NCF4: variants seen among roughly 807,000 people sequenced by gnomAD.
The protein encoded by NCF4 is neutrophil cytosol factor 4.
Under a neutral mutation model 41.7 loss-of-function variants are expected in NCF4, and 30 were observed. The observed-to-expected ratio is 0.72, with a 90% CI of 0.54 to 0.97. The LOEUF (loss-of-function observed/expected upper bound fraction) is 0.97. Ranked by LOEUF, NCF4 falls within the 50% of genes least tolerant of loss-of-function variation. The pLI is 0.00. For synonymous variants in NCF4, 195 were observed against 175.8 expected, an observed-to-expected ratio of 1.11 and a Z score of -0.87; for missense variants, 432 against 460.9, an observed-to-expected ratio of 0.94 and a Z score of 0.57.
Position 36,867,402 on chromosome 22 carries a change from C to T in NCF4, c.282C>T (p.Tyr94=), listed in dbSNP as rs771129807. The T allele has an allele frequency of 2.0e-5, 33 of 1,614,056 alleles. No individual in the cohort carries two copies. The highest frequency in any genetic ancestry group is 3.3e-5 in the Admixed American group (2 of 60,006). The change falls in exon 4 of 10, where the codon TAC becomes TAT. Residue 94 remains tyrosine (Y), a synonymous_variant. Coordinates refer to ENST00000248899, the MANE Select transcript of NCF4 (RefSeq NM_000631.5). ...TTTGTCTCTTCTCAGCCAAAGTCTA[C>T]GTGGGTGTGAAACAGGAGATCGCCG... ...CTLPTLPAKV[Y]VGVKQEIAEM...
chr22:36,872,498 T>A (rs1601553630), intron 7 of NCF4, 73 bp downstream of exon 7: 2 of 1,307,186 alleles, frequency 1.5e-6, no homozygotes, highest in Admixed American at 3.8e-5. Context: ...AAGATAGAGG[T>A]GAGGGTGGAA....
rs1334880702 is a variant in NCF4, at chr22:36,861,030, C to A, written c.-142C>A. ...CAGACTGGAGAGAAGCAGGCCTGAG[C>A]CTCCCCAAAGGCAGCTCCTGGGGAC... On this transcript the variant is annotated 5_prime_UTR_variant, in exon 1 of 10. Coordinates refer to ENST00000248899, the MANE Select transcript of NCF4 (RefSeq NM_000631.5). 6.1e-5 allele frequency: 68 copies of A among 1,115,040 alleles called. No individual in the cohort carries two copies. The highest frequency in any genetic ancestry group is 3.6e-5 in the Non-Finnish European group (27 of 750,922). 69.1% of individuals were successfully genotyped at this position (1,115,040 alleles called of 1,614,324 possible).
At chr22:36,872,019 T>C (rs976223959) in intron 6 of NCF4, 12 of 649,706 alleles carry the variant, frequency 1.8e-5, no homozygotes, top group African/African-American at 1.6e-4. Context: ...CAGAGATGAC[T>C]CAGACAAGGC....
Position 36,875,722 on chromosome 22 carries a change from G to A in NCF4, c.697G>A (p.Glu233Lys). ...GAAGATCCTCAAAGACTTCCCTGAG[G>A]AGGACGACCCCACCAACTGGCTGCG... ...FVKILKDFPE[E>K]DDPTNWLRCY... is the part of the protein sequence containing the mutation. Residue 233 changes from glutamate to lysine, a missense_variant, in exon 8 of 10, where the codon GAG becomes AAG. Physicochemically the swap from Glu to Lys is moderately conservative, Grantham distance 56. Coordinates refer to ENST00000248899, the MANE Select transcript of NCF4 (RefSeq NM_000631.5). The A allele has an allele frequency of 6.2e-7, 1 of 1,613,840 alleles. No individual in the cohort carries two copies.
At chr22:36,877,007 T>C (rs1940207087) in intron 9 of NCF4, among the ~76,000 whole-genome samples, 1 of 149,508 alleles carries the variant, frequency 6.7e-6, no homozygotes, top group African/African-American at 2.5e-5. Flanking sequence ...CAGGTGTCTC[T>C]CTGAGGCTTT....
At chr22:36,872,177 A>G in intron 6 of NCF4, 150 bp from the exon 7 acceptor site, 1 of 746,672 alleles carries the variant, frequency 1.3e-6, no homozygotes, top group Admixed American at 2.0e-5. Context: ...CTCCTCCACT[A>G]AAAAATGGGG....
chr22:36,877,813 C>T lies in NCF4; in HGVS notation c.1010C>T (p.Thr337Met), dbSNP rs147550660. Reference protein sequence around the residue: ...TQKDNYRVYNTMP With the variant: ...TQKDNYRVYNMMP ...AAGGACAACTACAGGGTCTACAACA[C>T]GATGCCATGAGCTGACGGTGTCCCT... is the stretch of plus-strand genomic sequence containing the variant. Residue 337 changes from threonine (T) to methionine (M), a missense_variant, in exon 10 of 10, where the codon ACG becomes ATG. Coordinates refer to ENST00000248899, the MANE Select transcript of NCF4 (RefSeq NM_000631.5). The T allele has an allele frequency of 1.8e-5, 29 of 1,613,422 alleles. No individual in the cohort carries two copies. The highest frequency in any genetic ancestry group is 3.3e-4 in the Middle Eastern group (2 of 6,082).
chr22:36,875,976 C>A (rs760939810), intron 8 of NCF4, 53 bp from the exon 9 acceptor site: 2 of 1,614,052 alleles, frequency 1.2e-6, no homozygotes. Context: ...TCCCCCACCC[C>A]ACACCCCACT....
chr22:36,875,526 C>A, intron 7 of NCF4, 127 bp from the exon 8 acceptor site: 1 of 838,650 alleles, frequency 1.2e-6, no homozygotes, highest in Non-Finnish European at 2.0e-6. Context: ...TTTCCCTCCT[C>A]CCTCTACAGA....
rs199642717 is a variant in NCF4 at position 36,870,462 on chromosome 22, G to A, written c.390G>A (p.Arg130=). The A allele has an allele frequency of 8.8e-5, 142 of 1,613,946 alleles. No homozygotes were observed. Among genetic ancestry groups the A allele is most frequent in the Middle Eastern group, 3.3e-4 (2 of 6,062 alleles). The part of the protein sequence containing the change: ...PVWVLMDEDV[R]IFFYQSPYDS... Reference sequence around the variant, plus strand: ...GGGTGCTGATGGATGAGGACGTCCGGATCTTCTTTTACCAGTCGCCCTATG... The same window carrying A: ...GGGTGCTGATGGATGAGGACGTCCGAATCTTCTTTTACCAGTCGCCCTATG... Residue 130 remains arginine (R), a synonymous_variant, in exon 5 of 10, where the codon CGG becomes CGA. Transcript: ENST00000248899.
chr22:36,868,276 T>G (rs538949639), intron 4 of NCF4, among the ~76,000 whole-genome samples: 4 of 152,244 alleles, frequency 2.6e-5, no homozygotes, highest in Non-Finnish European at 5.9e-5. Context: ...TCCTTTAGTC[T>G]TGACTCTGAC....
At position 36,865,121 on chromosome 22, in the gene NCF4, C is replaced by T. The variant is rs1363190635; in HGVS notation, c.271+49C>T. On this transcript the variant is annotated intron_variant, in intron 3 of 9. Transcript: ENST00000248899. This position sits in a 1 kb window ranked among gnomAD's most constrained non-coding sequence, Gnocchi z 4.3. ...TGCTGCAGAGCTGCTGACTCTCCTTCCTTCCAGGGCCCCTGACACTGTTCT... is the reference window on the plus strand; with the variant it reads ...TGCTGCAGAGCTGCTGACTCTCCTTTCTTCCAGGGCCCCTGACACTGTTCT... 2.5e-6 allele frequency: 4 copies of T among 1,597,258 alleles called. No individual in the cohort carries two copies. The highest frequency in any genetic ancestry group is 3.4e-6 in the Non-Finnish European group (4 of 1,176,832).
At chr22:36,863,899 T>C (rs1286193338) in intron 1 of NCF4, 146 bp from the exon 2 acceptor site, 2 of 795,620 alleles carry the variant, frequency 2.5e-6, no homozygotes, top group African/African-American at 1.7e-5. Context: ...CCAGGGTCAG[T>C]GGCTGGACCT....
chr22:36,877,224 C>T (rs1055682493), intron 9 of NCF4, among the ~76,000 whole-genome samples: 2 of 152,076 alleles, frequency 1.3e-5, no homozygotes, highest in African/African-American at 2.4e-5. Flanking sequence ...GCAACCTCTG[C>T]CTACTGTGTT....
At chr22:36,871,749 G>A in intron 6 of NCF4, 40 bp downstream of exon 6, 1 of 1,549,228 alleles carries the variant, frequency 6.5e-7, no homozygotes, top group Middle Eastern at 1.7e-4. Context: ...CTCACACTGT[G>A]GGCATCTGCC....
At chr22:36,872,169 C>T (rs1168435712) in intron 6 of NCF4, 158 bp from the exon 7 acceptor site, 5 of 733,134 alleles carry the variant, frequency 6.8e-6, no homozygotes, top group Non-Finnish European at 1.2e-5. Flanking sequence ...ATTCCCAGCT[C>T]CTCCACTAAA....
intron 9 of NCF4, among the ~76,000 whole-genome samples, chr22:36,877,272 G>C (rs1329492159): frequency 6.6e-6 from 1 of 152,134 alleles, no homozygotes; most frequent in Non-Finnish European, 1.5e-5. Flanking sequence ...GAGTGGCTGG[G>C]ATCACAGGTG....
rs111359918 is a variant in NCF4 at position 36,870,340 on chromosome 22, G to A, written c.343-75G>A. The A allele has an allele frequency of 1.0e-5, 16 of 1,603,602 alleles. 2 individuals are homozygous for A. The African/African-American group carries it at 1.2e-4, about 12-fold the overall frequency. ...AGGAGGGCTGATGTCAGGGCTCGGGGACGGGACATCTAGGCTGGGGTGTCC... is the reference window on the plus strand; with the variant it reads ...AGGAGGGCTGATGTCAGGGCTCGGGAACGGGACATCTAGGCTGGGGTGTCC... On this transcript the variant is annotated intron_variant, in intron 4 of 9. Transcript: ENST00000248899.
chr22:36,864,234 T>G (rs1227149696), intron 2 of NCF4, 105 bp downstream of exon 2: 2 of 996,818 alleles, frequency 2.0e-6, no homozygotes, highest in African/African-American at 3.2e-5. Flanking sequence ...TCTGATCTCT[T>G]AACTTCTATC....
Sources: gnomAD v4.1 joint callset for allele counts (sites outside exome capture counted in the v4.1 genomes callset) on GRCh38, gnomAD v4.1.1 for gene constraint, Gnocchi (gnomAD v3.1) non-coding constraint, MANE v1.5 for transcripts, NCBI Gene and HGNC (gene_info 2026-07-23, HGNC 2026-07-21) for gene names.